NBAS: variants seen among roughly 807,000 people sequenced by gnomAD.
NBAS encodes NAG/BC035112 fusion.
In NBAS, 219 loss-of-function variants were observed where a neutral mutation model predicts 302.5. That is an observed-to-expected ratio of 0.72 (90% CI 0.65 to 0.81). The LOEUF (loss-of-function observed/expected upper bound fraction) is 0.81, where lower values mean the gene tolerates loss of function less well. Ranked by LOEUF, NBAS falls within the 30% of genes least tolerant of loss-of-function variation. The pLI, the probability that NBAS is intolerant of heterozygous loss-of-function variation, is 0.00. For synonymous variants in NBAS, 1,118 were observed against 1,021.6 expected (o/e 1.09, Z -1.80); for missense variants, 2,932 against 2,841.6 (o/e 1.03, Z -0.72).
At chr2:15,065,402 G>A in the NBAS span, among the ~76,000 whole-genome samples, 2 of 152,026 alleles carry the variant, frequency 1.3e-5, no homozygotes, top group Admixed American at 1.3e-4. Context: ...CCTAGACAGA[G>A]CAATTAGGCA....
intron 40 of NBAS, among the ~76,000 whole-genome samples, chr2:15,306,405 C>T (rs1026830270): frequency 6.6e-6 from 1 of 152,116 alleles, no homozygotes; most frequent in South Asian, 2.1e-4. Flanking sequence ...TGCCCAAAAC[C>T]AATATACACC....
the NBAS span, among the ~76,000 whole-genome samples, chr2:14,986,775 GA>G: frequency 6.6e-6 from 1 of 152,018 alleles, no homozygotes; most frequent in East Asian, 1.9e-4. Context: ...TTAATACTTG[GA>G]AAATCAAATA....
At chr2:15,276,513 T>C (rs184948179) in intron 43 of NBAS, among the ~76,000 whole-genome samples, 2 of 152,324 alleles carry the variant, frequency 1.3e-5, no homozygotes, top group Admixed American at 6.5e-5. Context: ...CAACTGCCTA[T>C]TATAAAGTGT....
the NBAS span, among the ~76,000 whole-genome samples, chr2:14,787,270 T>C: frequency 1.3e-5 from 2 of 151,530 alleles, no homozygotes; most frequent in Admixed American, 6.6e-5. Flanking sequence ...CTTGACTCTT[T>C]ATCCAATTTG....
At chr2:14,987,199 C>G in the NBAS span, among the ~76,000 whole-genome samples, 8 of 152,080 alleles carry the variant, frequency 5.3e-5, no homozygotes, top group African/African-American at 1.9e-4. Context: ...AAGGAATATT[C>G]TGATTATTTA....
At chr2:14,832,128 C>T in the NBAS span, among the ~76,000 whole-genome samples, 1 of 152,086 alleles carries the variant, frequency 6.6e-6, no homozygotes, top group African/African-American at 2.4e-5. Flanking sequence ...CCTCCTCTTT[C>T]CCCCACCCTC....
At chr2:14,990,675 A>G in the NBAS span, among the ~76,000 whole-genome samples, 1 of 152,076 alleles carries the variant, frequency 6.6e-6, no homozygotes, top group South Asian at 2.1e-4. Context: ...TATGTTGTCC[A>G]GGTTGGACTC....
intron 48 of NBAS, among the ~76,000 whole-genome samples, chr2:15,191,045 A>G (rs1242985659): frequency 6.6e-6 from 1 of 152,176 alleles, no homozygotes; most frequent in East Asian, 1.9e-4. Context: ...TCACATCTCC[A>G]ATGTCTCTGT....
the NBAS span, among the ~76,000 whole-genome samples, chr2:15,002,635 T>C: frequency 6.6e-6 from 1 of 152,128 alleles, no homozygotes; most frequent in South Asian, 2.1e-4. Flanking sequence ...ACGGAGGTGG[T>C]GGGAGGCTCA....
the NBAS span, among the ~76,000 whole-genome samples, chr2:14,804,021 C>A: frequency 6.6e-6 from 1 of 152,274 alleles, no homozygotes. Flanking sequence ...GATCAAAGTA[C>A]ACAAATTTTA....
At chr2:15,196,684 C>G (rs1665637168) in intron 48 of NBAS, among the ~76,000 whole-genome samples, 1 of 152,120 alleles carries the variant, frequency 6.6e-6, no homozygotes, top group South Asian at 2.1e-4. Context: ...TTGTATAAAG[C>G]ATGCAGCAGA....
intron 49 of NBAS, among the ~76,000 whole-genome samples, chr2:15,188,510 C>T (rs1361148772): frequency 6.6e-6 from 1 of 152,148 alleles, no homozygotes; most frequent in Non-Finnish European, 1.5e-5. Context: ...ATCTCTTAGG[C>T]AGAGGAGACA....
chr2:15,504,278 T>C, intron 10 of NBAS, 65 bp from the exon 11 acceptor site: 1 of 1,245,380 alleles, frequency 8.0e-7, no homozygotes, highest in Non-Finnish European at 1.2e-6. Flanking sequence ...AAAATGTCCC[T>C]TTATAATGAA....
chr2:15,158,400 G>T, the NBAS span, among the ~76,000 whole-genome samples: 22 of 152,194 alleles, frequency 1.4e-4, no homozygotes, highest in African/African-American at 4.8e-4. Flanking sequence ...AGACACAAAG[G>T]CCCCTGCCTG....
At chr2:14,929,210 A>C in the NBAS span, among the ~76,000 whole-genome samples, 7 of 152,184 alleles carry the variant, frequency 4.6e-5, no homozygotes, top group Non-Finnish European at 1.0e-4. Flanking sequence ...CACTTTCAGG[A>C]GCTCTCTAGG....
the NBAS span, among the ~76,000 whole-genome samples, chr2:15,009,744 T>C: frequency 6.7e-6 from 1 of 150,204 alleles, no homozygotes; most frequent in Non-Finnish European, 1.5e-5. Flanking sequence ...TGTGTGTGCA[T>C]GCATGTGTGT....
chr2:15,368,957 A>C (rs1674354308), intron 31 of NBAS, among the ~76,000 whole-genome samples: 1 of 152,200 alleles, frequency 6.6e-6, no homozygotes, highest in East Asian at 1.9e-4. Flanking sequence ...CAACAGCACA[A>C]TCGTAAAAAC....
At chr2:15,467,925 G>A in intron 17 of NBAS, 121 bp from the exon 18 acceptor site, 1 of 949,324 alleles carries the variant, frequency 1.1e-6, no homozygotes, top group African/African-American at 1.7e-5. Flanking sequence ...GAAAGTATTT[G>A]AAAAAAACTT....
At chr2:14,788,700 T>A in the NBAS span, among the ~76,000 whole-genome samples, 1 of 152,164 alleles carries the variant, frequency 6.6e-6, no homozygotes, top group Non-Finnish European at 1.5e-5. Context: ...CTCAGAGGAG[T>A]ACCTGGCCGT....
Sources: allele counts gnomAD v4.1 joint callset (sites outside exome capture counted in the v4.1 genomes callset), GRCh38; gene constraint gnomAD v4.1.1; transcripts MANE v1.5; gene names NCBI Gene and HGNC (gene_info 2026-07-23, HGNC 2026-07-21).